EBF2: variants seen among roughly 807,000 people sequenced by gnomAD.
EBF2 encodes transcription factor COE2.
Under a neutral mutation model 72.8 loss-of-function variants are expected in EBF2, and 21 were observed. The ratio of observed to expected loss-of-function variants is 0.29; its 90% CI spans 0.20 to 0.42. The LOEUF is 0.42. Ranked by LOEUF, EBF2 falls within the 10% of genes least tolerant of loss-of-function variation. EBF2 has a pLI of 1.00. For missense variants in EBF2, 637 were observed against 731.2 expected (o/e 0.87, Z 1.49); for synonymous variants, 299 against 274.2 (o/e 1.09, Z -0.89).
At chr8:25,950,727 C>G (rs1455601829) in intron 6 of EBF2, among the ~76,000 whole-genome samples, 3 of 152,184 alleles carry the variant, frequency 2.0e-5, no homozygotes, top group Non-Finnish European at 1.5e-5. Context: ...AGGCATGGAA[C>G]CATGATCTTT....
intron 7 of EBF2, among the ~76,000 whole-genome samples, 194 bp downstream of exon 7, chr8:25,908,280 C>G (rs1803072310): frequency 1.3e-5 from 2 of 152,130 alleles, no homozygotes; most frequent in Admixed American, 6.5e-5. Flanking sequence ...GCAATGGGGG[C>G]AGAAAGCTTA....
intron 6 of EBF2, among the ~76,000 whole-genome samples, chr8:25,935,668 C>T (rs939937263): frequency 3.3e-5 from 5 of 152,178 alleles, no homozygotes; most frequent in Non-Finnish European, 5.9e-5. Context: ...TGCATATGCA[C>T]CAGTGTTCCT....
chr8:25,935,001 G>T (rs947107991), intron 6 of EBF2, among the ~76,000 whole-genome samples: 1 of 152,162 alleles, frequency 6.6e-6, no homozygotes, highest in Non-Finnish European at 1.5e-5. Context: ...AGGACCAAGC[G>T]ACTTGCAAGC....
chr8:25,947,281 C>T (rs554343213), intron 6 of EBF2, among the ~76,000 whole-genome samples: 5 of 152,294 alleles, frequency 3.3e-5, no homozygotes, highest in African/African-American at 1.2e-4. Context: ...GAGAGTTCCC[C>T]TGCACATGCT....
intron 6 of EBF2, among the ~76,000 whole-genome samples, chr8:25,945,871 G>A (rs564895609): frequency 3.3e-5 from 5 of 151,958 alleles, no homozygotes; most frequent in East Asian, 3.9e-4. Context: ...CTATTGAAAC[G>A]GTCTTTCATT....
intron 7 of EBF2, among the ~76,000 whole-genome samples, chr8:25,896,086 C>T (rs1326297695): frequency 6.6e-6 from 1 of 152,078 alleles, no homozygotes; most frequent in Non-Finnish European, 1.5e-5. Context: ...CTACAAAGAC[C>T]CTAAGTCTCA....
Position 25,841,978 on chromosome 8 carries a change from G to T in EBF2, c.*2631C>A, listed in dbSNP as rs575218505. On this transcript the variant is annotated 3_prime_UTR_variant, in exon 16 of 16. Transcript: ENST00000520164. ...TGTACAAAAGGTAGAGAAGTTAATG[G>T]TTTTTAAACCATGCATATTGAAATG... 1 of 152,240 alleles carries T rather than the reference G, an allele frequency of 6.6e-6. No individual in the cohort carries two copies. Among genetic ancestry groups the T allele is most frequent in the Non-Finnish European group, 1.5e-5 (1 of 68,022 alleles). 9.4% of individuals were successfully genotyped at this position (152,240 alleles called of 1,614,324 possible). A position where few individuals can be genotyped will look rare whatever the true frequency, so the allele number is the denominator to read the frequency against.
chr8:26,018,540 A>C (rs1386894198), intron 6 of EBF2, among the ~76,000 whole-genome samples: 1 of 149,120 alleles, frequency 6.7e-6, no homozygotes, highest in African/African-American at 2.5e-5. Context: ...GCGTGGTGTC[A>C]GGCGTCTATA....
chr8:25,951,343 G>C (rs1233588386), intron 6 of EBF2, among the ~76,000 whole-genome samples: 1 of 152,144 alleles, frequency 6.6e-6, no homozygotes, highest in Non-Finnish European at 1.5e-5. Context: ...TGTCCCAGCT[G>C]AGATTACCAG....
chr8:25,960,230 T>A (rs892049577), intron 6 of EBF2, among the ~76,000 whole-genome samples: 4 of 152,138 alleles, frequency 2.6e-5, no homozygotes, highest in Non-Finnish European at 4.4e-5. Flanking sequence ...CTTACTTGAG[T>A]TCCTGAGTGA....
chr8:25,940,226 T>C (rs560824328), intron 6 of EBF2, among the ~76,000 whole-genome samples: 6 of 152,304 alleles, frequency 3.9e-5, no homozygotes, highest in African/African-American at 1.4e-4. Context: ...TTGCTATGAC[T>C]TATGTTTGAA....
At chr8:26,011,811 T>TA (rs71551843) in intron 6 of EBF2, among the ~76,000 whole-genome samples, 2 of 143,256 alleles carry the variant, frequency 1.4e-5, no homozygotes, top group Admixed American at 7.0e-5. Flanking sequence ...AACTTTTTTT[T>TA]AAAAAAAAAA....
intron 7 of EBF2, among the ~76,000 whole-genome samples, chr8:25,904,686 A>T (rs946001802): frequency 1.3e-5 from 2 of 152,180 alleles, no homozygotes; most frequent in African/African-American, 4.8e-5. Flanking sequence ...TGACTGTCCT[A>T]CCACCATGAG....
At chr8:25,925,464 C>T (rs1169654751) in intron 6 of EBF2, among the ~76,000 whole-genome samples, 1 of 152,064 alleles carries the variant, frequency 6.6e-6, no homozygotes, top group African/African-American at 2.4e-5. Context: ...TGAAACCTTG[C>T]AGAGGGGGCT....
intron 6 of EBF2, among the ~76,000 whole-genome samples, chr8:26,011,121 T>C (rs1199924808): frequency 6.6e-6 from 1 of 152,172 alleles, no homozygotes; most frequent in Non-Finnish European, 1.5e-5. Flanking sequence ...ACTTTATGGA[T>C]AAAGGCAAAC....
At chr8:26,005,271 A>G (rs866473877) in intron 6 of EBF2, among the ~76,000 whole-genome samples, 2 of 1,950 alleles carry the variant, frequency 1.0e-3, no homozygotes, top group African/African-American at 3.4e-3. Context: ...AATATATAAT[A>G]TATATAATTA....
intron 14 of EBF2, 185 bp downstream of exon 14, chr8:25,858,134 A>C (rs1329282483): frequency 1.3e-6 from 1 of 778,724 alleles, no homozygotes; most frequent in Non-Finnish European, 2.2e-6. Flanking sequence ...GCCTTGAGTA[A>C]CCACGTGAGC....
intron 13 of EBF2, 136 bp downstream of exon 13, chr8:25,860,913 A>G: frequency 1.1e-6 from 1 of 904,534 alleles, no homozygotes; most frequent in Non-Finnish European, 1.7e-6. Flanking sequence ...TCTTGAAATA[A>G]CCCAATCTAT....
chr8:25,898,277 C>A (rs1180318508), intron 7 of EBF2, among the ~76,000 whole-genome samples: 2 of 152,056 alleles, frequency 1.3e-5, no homozygotes, highest in Non-Finnish European at 2.9e-5. Context: ...GGGAGTTACA[C>A]AACTTGAGAT....
Sources: allele counts gnomAD v4.1 joint callset (sites outside exome capture counted in the v4.1 genomes callset), GRCh38; gene constraint gnomAD v4.1.1; transcripts MANE v1.5; gene names NCBI Gene and HGNC (gene_info 2026-07-23, HGNC 2026-07-21).